The following OSBPL3 variants were observed in gnomAD, a reference collection of about 807,000 sequenced individuals.
OSBPL3 encodes oxysterol binding protein like 3, also known as oxysterol-binding protein-related protein 3.
Under a neutral mutation model 120.1 loss-of-function variants are expected in OSBPL3, and 65 were observed. That is an observed-to-expected ratio of 0.54 (90% CI 0.44 to 0.67). The LOEUF is 0.67. Among genes scored for constraint, OSBPL3 ranks in the 30% least tolerant of loss-of-function variants. The pLI is 0.00. For synonymous variants in OSBPL3, 416 were observed against 402.6 expected (o/e 1.03, Z -0.40); for missense variants, 1,004 against 1,082.1 (o/e 0.93, Z 1.01).
chr7:24,919,072 T>C (rs1810065502), intron 1 of OSBPL3, among the ~76,000 whole-genome samples: 2 of 152,178 alleles, frequency 1.3e-5, no homozygotes, highest in Non-Finnish European at 2.9e-5. Flanking sequence ...TCCACACCTT[T>C]TATATAAATA....
intron 1 of OSBPL3, among the ~76,000 whole-genome samples, chr7:24,934,676 G>A (rs573741453): frequency 7.0e-4 from 107 of 152,210 alleles, no homozygotes; most frequent in African/African-American, 2.4e-3. Flanking sequence ...GTAAAATAGA[G>A]TTTGTCATAC....
At chr7:24,870,019 G>A (rs922141575) in intron 5 of OSBPL3, among the ~76,000 whole-genome samples, 1 of 152,156 alleles carries the variant, frequency 6.6e-6, no homozygotes, top group Non-Finnish European at 1.5e-5. Context: ...CACTGGGCCA[G>A]GCACTATACC....
At chr7:24,847,346 T>A (rs1304257007) in intron 12 of OSBPL3, among the ~76,000 whole-genome samples, 1 of 151,882 alleles carries the variant, frequency 6.6e-6, no homozygotes, top group Non-Finnish European at 1.5e-5. Context: ...AGGGATAAAA[T>A]AAGGGAAACA....
chr7:24,921,735 C>T (rs533485865), intron 1 of OSBPL3, among the ~76,000 whole-genome samples: 1 of 152,266 alleles, frequency 6.6e-6, no homozygotes, highest in South Asian at 2.1e-4. Flanking sequence ...TCTCTAAAGG[C>T]TGAGAGAAGG....
chr7:24,875,321 T>G (rs991143661), intron 2 of OSBPL3, among the ~76,000 whole-genome samples: 2 of 152,246 alleles, frequency 1.3e-5, no homozygotes, highest in African/African-American at 4.8e-5. Flanking sequence ...AAGGCCATGC[T>G]ATTTGAGTTA....
intron 2 of OSBPL3, among the ~76,000 whole-genome samples, chr7:24,889,290 T>G (rs2128332486): frequency 6.6e-6 from 1 of 152,290 alleles, no homozygotes; most frequent in South Asian, 2.1e-4. Flanking sequence ...ACATGTGGAA[T>G]CTAAAAAAGT....
rs34559902 is a variant in OSBPL3, at chr7:24,845,384, T to TAAAAA, written c.1267-2976_1267-2972dup. On this transcript the variant is annotated intron_variant, in intron 12 of 22. Coordinates refer to ENST00000313367, the MANE Select transcript of OSBPL3 (RefSeq NM_015550.4). Reference sequence around the variant, plus strand: ...GAATTTACAAATATTGCAAAATAAGTAAAAAAAAAAAAAAAAAAAAAAAAA... The same window carrying TAAAAA: ...GAATTTACAAATATTGCAAAATAAGTAAAAAAAAAAAAAAAAAAAAAAAAAAAAAA... 4.3e-3 allele frequency among the ~76,000 whole-genome samples: 269 copies of TAAAAA among 62,250 alleles called. 6 individuals are homozygous for TAAAAA. The highest frequency in any genetic ancestry group is 7.4e-3 in the African/African-American group (113 of 15,212). The allele number at this position is 62,250 out of a possible 152,430, so 40.8% of individuals were successfully genotyped here.
At chr7:24,908,538 A>C (rs1340508083) in intron 1 of OSBPL3, among the ~76,000 whole-genome samples, 2 of 152,148 alleles carry the variant, frequency 1.3e-5, no homozygotes, top group African/African-American at 4.8e-5. Context: ...TTTCCCCAAG[A>C]CTGCTTCTTT....
chr7:24,958,428 A>T (rs1313116874), intron 1 of OSBPL3, among the ~76,000 whole-genome samples: 1 of 152,084 alleles, frequency 6.6e-6, no homozygotes, highest in East Asian at 1.9e-4. Context: ...CTATGATCCA[A>T]CTACTCTGAG....
intron 16 of OSBPL3, among the ~76,000 whole-genome samples, chr7:24,828,245 C>T (rs530955407): frequency 7.9e-5 from 12 of 152,212 alleles, no homozygotes; most frequent in African/African-American, 1.4e-4. Context: ...AGGCTTGTCT[C>T]GAACTCCTGA....
rs758323608 is a variant in OSBPL3 at position 24,804,278 on chromosome 7, C to T, written c.2567+37G>A. The T allele has an allele frequency of 5.0e-6, 8 of 1,613,478 alleles. No homozygotes were observed. Among genetic ancestry groups the T allele is most frequent in the African/African-American group, 1.3e-5 (1 of 75,006 alleles). On this transcript the variant is annotated intron_variant, in intron 22 of 22. Coordinates refer to ENST00000313367, the MANE Select transcript of OSBPL3 (RefSeq NM_015550.4). This position sits in a 1 kb window ranked among gnomAD's most constrained non-coding sequence, Gnocchi z 5.4. ...CCAGAAGCATAACGTGCTGGCACCA[C>T]CTATCAACCAAAAACCTACTCAATC...
At chr7:24,850,597 A>G (rs1799027870) in intron 11 of OSBPL3, among the ~76,000 whole-genome samples, 1 of 152,186 alleles carries the variant, frequency 6.6e-6, no homozygotes, top group African/African-American at 2.4e-5. Flanking sequence ...GGGTTATTTG[A>G]AAATCCTTGA....
At position 24,870,792 on chromosome 7, in the gene OSBPL3, A is replaced by T; in HGVS notation, c.321T>A (p.Ser107=). ...CTATGCATTTTGATGACTTCTTTAC[A>T]GACATCACTGAGAGCCCGACATCAA... ...GCIDVGLSVM[S]VKKSSKCIDL... Residue 107 remains serine, a synonymous_variant, in exon 5 of 23, where the codon TCT becomes TCA. Coordinates refer to ENST00000313367, the MANE Select transcript of OSBPL3 (RefSeq NM_015550.4). 6.2e-7 allele frequency: 1 copy of T among 1,613,986 alleles called. No homozygotes were observed. The highest frequency in any genetic ancestry group is 8.5e-7 in the Non-Finnish European group (1 of 1,179,804).
rs957152277 is a variant in OSBPL3, at chr7:24,964,884, T to C, written c.-150+15002A>G. Among the ~76,000 whole-genome samples the C allele has an allele frequency of 7.9e-5, 12 of 152,206 alleles. No homozygotes were observed. The highest frequency in any genetic ancestry group is 6.5e-4 in the Admixed American group (10 of 15,282). The stretch of plus-strand genomic sequence containing the variant: ...TGTTGGGGGCTGTGATTAAAATAAG[T>C]AAAGTTGGACAAACATTGAGCAATA... On this transcript the variant is annotated intron_variant, in intron 1 of 22. Transcript: ENST00000313367. This position sits in a 1 kb window ranked among gnomAD's most constrained non-coding sequence, Gnocchi z 4.2.
intron 1 of OSBPL3, among the ~76,000 whole-genome samples, chr7:24,979,559 G>A (rs112190448): frequency 2.8e-4 from 42 of 152,328 alleles, no homozygotes; most frequent in Middle Eastern, 6.8e-3. Context: ...CGCTGCCCAG[G>A]ACAGCTCCGC....
At chr7:24,864,270 A>G (rs1274367061) in intron 7 of OSBPL3, among the ~76,000 whole-genome samples, 3 of 152,224 alleles carry the variant, frequency 2.0e-5, no homozygotes, top group Non-Finnish European at 4.4e-5. Flanking sequence ...TTTCTGCTGA[A>G]GAATACAGGC....
chr7:24,909,681 C>T (rs1440646824), intron 1 of OSBPL3, among the ~76,000 whole-genome samples: 1 of 151,784 alleles, frequency 6.6e-6, no homozygotes, highest in African/African-American at 2.4e-5. Context: ...CCAATCACCT[C>T]TGTCCTGGCC....
At chr7:24,979,553 G>A (rs184497223) in intron 1 of OSBPL3, among the ~76,000 whole-genome samples, 2 of 152,188 alleles carry the variant, frequency 1.3e-5, no homozygotes, top group Non-Finnish European at 2.9e-5. Context: ...CCTCCCCGCT[G>A]CCCAGGACAG....
In OSBPL3 at chr7:24,959,457, T is replaced by C. The variant is rs1815467032; in HGVS notation, c.-150+20429A>G. 6.6e-6 allele frequency among the ~76,000 whole-genome samples: 1 copy of C among 152,126 alleles called. No individual in the cohort carries two copies. Among genetic ancestry groups the C allele is most frequent in the African/African-American group, 2.4e-5 (1 of 41,430 alleles). ...GAGTGACTCTCACAGACCTAAAGCG[T>C]TAACATGAGTCAATTTACATAAGTT... On this transcript the variant is annotated intron_variant, in intron 1 of 22. Transcript: ENST00000313367. This position sits in a 1 kb window ranked among gnomAD's most constrained non-coding sequence, Gnocchi z 4.3.
Sources: gnomAD v4.1 joint callset for allele counts (sites outside exome capture counted in the v4.1 genomes callset) on GRCh38, gnomAD v4.1.1 for gene constraint, Gnocchi (gnomAD v3.1) non-coding constraint, MANE v1.5 for transcripts, NCBI Gene and HGNC (gene_info 2026-07-23, HGNC 2026-07-21) for gene names.